DIDO1: variants seen among roughly 807,000 people sequenced by gnomAD.
The protein encoded by DIDO1 is death-inducer obliterator 1.
In DIDO1, 16 loss-of-function variants were observed where a neutral mutation model predicts 99.4. That is an observed-to-expected ratio of 0.16 (90% CI 0.11 to 0.24). DIDO1 has a LOEUF of 0.24. Among genes scored for constraint, DIDO1 ranks in the 10% least tolerant of loss-of-function variants. The pLI is 1.00. For missense variants in DIDO1, 2,996 were observed against 3,014.0 expected (o/e 0.99, Z 0.14); for synonymous variants, 1,366 against 1,239.1 (o/e 1.10, Z -2.15).
chr20:62,881,305 C>G lies in DIDO1; in HGVS notation c.4651G>C (p.Ala1551Pro), dbSNP rs754379375. The change falls in exon 16 of 16, where the codon GCC (alanine) becomes CCC (proline). Residue 1551 changes from alanine (A) to proline (P), a missense_variant. Coordinates refer to ENST00000395343, the MANE Select transcript of DIDO1 (RefSeq NM_001193369.2). The surrounding 1 kb of genome is among the most constrained non-coding windows in gnomAD (Gnocchi z 8.3). ...TCCCTGTGGTTTGACGCCTGGCTGG[C>G]GGGGGGCAGTGAGGCGGGCTTGTCT... ...SADKPASLPP[A>P]SQASNHRDPR... 1 of 1,604,730 alleles carries G rather than the reference C, an allele frequency of 6.2e-7. No individual in the cohort carries two copies. Among genetic ancestry groups the G allele is most frequent in the Non-Finnish European group, 8.5e-7 (1 of 1,179,850 alleles).
At chr20:62,905,309 T>G in intron 6 of DIDO1, 1 of 1,409,170 alleles carries the variant, frequency 7.1e-7, no homozygotes, top group Non-Finnish European at 9.2e-7. Flanking sequence ...AATGTGTTCA[T>G]GTGGGTGTGT....
At chr20:62,887,263 A>C (rs1426794972) in intron 15 of DIDO1, 1 of 985,496 alleles carries the variant, frequency 1.0e-6, no homozygotes, top group Non-Finnish European at 1.2e-6. Context: ...AGTACATTCC[A>C]TTCAATACTG....
Position 62,896,763 on chromosome 20 carries a change from C to A in DIDO1, c.1822G>T (p.Ala608Ser), listed in dbSNP as rs2064537137. Residue 608 changes from alanine (A) to serine (S), a missense_variant, in exon 7 of 16, where the codon GCT (alanine) becomes TCT (serine). By Grantham distance (99) the Ala-to-Ser change is moderately conservative. Transcript: ENST00000395343. The surrounding 1 kb of genome is among the most constrained non-coding windows in gnomAD (Gnocchi z 4.4). The part of the protein sequence containing the change: ...PWLSATPSSG[A>S]SAARQAGPAP... The stretch of plus-strand genomic sequence containing the variant: ...GGTCCGGCCTGCCTGGCAGCTGAAG[C>A]ACCACTCGATGGGGTAGCGGAGAGC... 1.2e-6 allele frequency: 2 copies of A among 1,613,580 alleles called. No homozygotes were observed. The highest frequency in any genetic ancestry group is 3.3e-5 in the Admixed American group (2 of 60,028).
intron 5 of DIDO1, 93 bp from the exon 6 acceptor site, chr20:62,906,193 C>CT (rs1287910981): frequency 5.4e-6 from 8 of 1,482,896 alleles, no homozygotes; most frequent in Middle Eastern, 1.8e-4. Flanking sequence ...GACCCAATGT[C>CT]TTCCTGAGGC....
rs548192873 is a variant in DIDO1, at chr20:62,896,723, G to A, written c.1862C>T (p.Ala621Val). Residue 621 changes from alanine to valine, a missense_variant, in exon 7 of 16, where the codon GCA becomes GTA. This residue lies in a region of DIDO1 where 898 missense variants were observed against 972.7 expected (regional missense o/e 0.92). Coordinates refer to ENST00000395343, the MANE Select transcript of DIDO1 (RefSeq NM_001193369.2). This position sits in a 1 kb window ranked among gnomAD's most constrained non-coding sequence, Gnocchi z 4.4. ...AGGGAACTTCTTGGAGGCAGCCGTT[G>A]CCGCTGCAGGTGCCGGTCCGGCCTG... Reference protein sequence around the residue: ...ARQAGPAPAAATAASKKFPGS... With the variant: ...ARQAGPAPAAVTAASKKFPGS... 4.6e-5 allele frequency: 75 copies of A among 1,613,660 alleles called. No individual in the cohort carries two copies. The South Asian group carries it at 7.0e-4, about 15-fold the overall frequency.
intron 6 of DIDO1, chr20:62,904,985 T>C (rs561951079): frequency 2.0e-6 from 2 of 987,240 alleles, no homozygotes; most frequent in South Asian, 4.6e-5. Context: ...AAATGCACTA[T>C]AGACAGAAGG....
At chr20:62,916,901 C>T (rs945241394) in intron 1 of DIDO1, among the ~76,000 whole-genome samples, 3 of 152,252 alleles carry the variant, frequency 2.0e-5, no homozygotes, top group East Asian at 1.9e-4. Context: ...TGAAAACTGA[C>T]TGCTGTGTTC....
In DIDO1 at chr20:62,909,857, G is replaced by C. The variant is rs1168939904; in HGVS notation, c.1003C>G (p.Gln335Glu). 6.2e-7 allele frequency: 1 copy of C among 1,614,174 alleles called. No individual in the cohort carries two copies. The highest frequency in any genetic ancestry group is 1.7e-5 in the Admixed American group (1 of 60,020). The change falls in exon 4 of 16, where the codon CAG (glutamine) becomes GAG (glutamate). Residue 335 changes from glutamine (Q) to glutamate (E), a missense_variant. By Grantham distance (29) the Gln-to-Glu change is conservative. Transcript: ENST00000395343. ...CCAGGTCTCCATTTAGCTTCCTGCT[G>C]ATCTGCCGTTTCTGAATGAGTCTCA... ...QDETHSETAD[Q>E]QEAKWRPGDA... is the part of the protein sequence containing the mutation.
chr20:62,887,691 G>A (rs2064318010), intron 15 of DIDO1: 3 of 985,242 alleles, frequency 3.0e-6, no homozygotes, highest in African/African-American at 3.5e-5. Flanking sequence ...TAAGGGCCCT[G>A]CACAGAACCC....
intron 15 of DIDO1, among the ~76,000 whole-genome samples, chr20:62,882,915 C>CT (rs10583836): frequency 0.46 from 37,748 of 81,232 alleles, 8,799 homozygotes; most frequent in East Asian, 0.56. Flanking sequence ...AACAAACAGC[C>CT]TTTTTTTTTT....
Position 62,881,129 on chromosome 20 carries a change from C to G in DIDO1, c.4827G>C (p.Pro1609=), listed in dbSNP as rs1354735760. ...GGGAAGAGGCTGGCTCTTTTTCCTC[C>G]GGGACTGGCATGGGCGCCTGGCCCA... ...GLVGQAPMPV[P]EEKEPASSPW... is the part of the protein sequence containing the mutation. The change falls in exon 16 of 16, where the codon CCG becomes CCC. Residue 1609 remains proline (P), a synonymous_variant. Transcript: ENST00000395343. This position sits in a 1 kb window ranked among gnomAD's most constrained non-coding sequence, Gnocchi z 8.3. 1 of 1,608,738 alleles carries G rather than the reference C, an allele frequency of 6.2e-7. No individual in the cohort carries two copies.
At chr20:62,927,409 C>CT (rs1417051435), upstream of DIDO1, among the ~76,000 whole-genome samples, 4 of 152,242 alleles carry the variant, frequency 2.6e-5, no homozygotes, top group South Asian at 2.1e-4. Context: ...GAGTGACACT[C>CT]TATCACCTGT....
intron 1 of DIDO1, among the ~76,000 whole-genome samples, chr20:62,924,224 G>T (rs897612234): frequency 7.9e-5 from 12 of 152,182 alleles, no homozygotes; most frequent in African/African-American, 2.7e-4. Context: ...AATAAGAAAT[G>T]TAAGTGAGAG....
intron 6 of DIDO1, among the ~76,000 whole-genome samples, chr20:62,899,948 TG>T (rs1439756573): frequency 1.3e-5 from 2 of 152,224 alleles, no homozygotes; most frequent in Non-Finnish European, 2.9e-5. Context: ...AACTTTTTAG[TG>T]GAGCTAAAAT....
chr20:62,919,079 T>C (rs1239210135), intron 1 of DIDO1, among the ~76,000 whole-genome samples: 3 of 152,182 alleles, frequency 2.0e-5, no homozygotes, highest in East Asian at 3.8e-4. Context: ...CAGGAAACAC[T>C]GTGCTGCACT....
rs1175574232 is a variant in DIDO1, at chr20:62,892,957, G to A, written c.3107C>T (p.Ser1036Leu). The change falls in exon 13 of 16, where the codon TCA becomes TTA. Residue 1036 changes from serine (S) to leucine (L), a missense_variant. Ser to Leu is a moderately radical substitution (Grantham distance 145). Coordinates refer to ENST00000395343, the MANE Select transcript of DIDO1 (RefSeq NM_001193369.2). ...TCCCTCTGGAGGGGAACGTGATTCT[G>A]AAGTGCTGTAAAACAAAACCATAAA... ...SVPPSPNIST[S>L]ESRSPPEGDT... 4 of 1,610,784 alleles carry A rather than the reference G, an allele frequency of 2.5e-6. No homozygotes were observed. The highest frequency in any genetic ancestry group is 3.4e-6 in the Non-Finnish European group (4 of 1,178,000).
intron 6 of DIDO1, chr20:62,905,129 GCAGGATATGAT>G (rs2064771753): frequency 1.0e-6 from 1 of 1,004,390 alleles, no homozygotes; most frequent in Non-Finnish European, 1.2e-6. Flanking sequence ...GAAATTTGGG[GCAGGATATGAT>G]CTTAAGAGTC....
intron 1 of DIDO1, among the ~76,000 whole-genome samples, chr20:62,925,116 C>G (rs142379680): frequency 6.6e-6 from 1 of 152,276 alleles, no homozygotes; most frequent in African/African-American, 2.4e-5. Flanking sequence ...CATACACTAA[C>G]AGCAACCCAA....
intron 1 of DIDO1, among the ~76,000 whole-genome samples, chr20:62,922,998 TC>T (rs2065184992): frequency 6.6e-6 from 1 of 151,768 alleles, no homozygotes; most frequent in Non-Finnish European, 1.5e-5. Context: ...ATAGTGAAAT[TC>T]TTTTTGTTGG....
Sources: allele counts gnomAD v4.1 joint callset (sites outside exome capture counted in the v4.1 genomes callset), GRCh38; gene constraint gnomAD v4.1.1; regional missense constraint gnomAD v4.1.1; non-coding constraint Gnocchi (gnomAD v3.1); transcripts MANE v1.5; gene names NCBI Gene and HGNC (gene_info 2026-07-23, HGNC 2026-07-21).